GRIA3: variants seen among roughly 807,000 people sequenced by gnomAD.
GRIA3 encodes glutamate receptor 3.
A neutral mutation model predicts 63.0 loss-of-function variants in GRIA3; 3 were observed. The ratio of observed to expected loss-of-function variants is 0.05; its 90% CI spans 0.02 to 0.12. The LOEUF is 0.12. Among genes scored for constraint, GRIA3 ranks in the 10% least tolerant of loss-of-function variants. The probability of loss-of-function intolerance (pLI) is 1.00; values close to 1 mark genes in which losing one functional copy is unlikely to be tolerated. For synonymous variants in GRIA3, 274 were observed against 257.9 expected (o/e 1.06, Z -0.60); for missense variants, 347 against 700.9 (o/e 0.50, Z 5.70).
chrX:123,222,194 C>T (rs1183393034), intron 2 of GRIA3, among the ~76,000 whole-genome samples: 1 of 111,534 alleles, frequency 9.0e-6, no homozygotes, highest in East Asian at 2.8e-4. Flanking sequence ...ACAGAGATCC[C>T]TGAAGGCCAA....
At chrX:123,471,119 C>G (rs1411320940) in intron 13 of GRIA3, among the ~76,000 whole-genome samples, 2 of 111,237 alleles carry the variant, frequency 1.8e-5, no homozygotes, top group African/African-American at 6.5e-5. Flanking sequence ...AAGAACCTGA[C>G]AGTTTTCTTT....
intron 12 of GRIA3, among the ~76,000 whole-genome samples, chrX:123,453,709 G>C (rs1002405584): frequency 9.1e-6 from 1 of 110,114 alleles, no homozygotes; most frequent in Non-Finnish European, 1.9e-5. Context: ...CTTTAGCTGT[G>C]GTTTGATCCT....
intron 10 of GRIA3, among the ~76,000 whole-genome samples, chrX:123,412,960 A>C (rs915282700): frequency 1.8e-5 from 2 of 111,849 alleles, no homozygotes; most frequent in African/African-American, 3.3e-5. Context: ...TGAGGAAAAA[A>C]AAAGGCAGTG....
intron 3 of GRIA3, among the ~76,000 whole-genome samples, chrX:123,257,386 TAAAG>T (rs971946295): frequency 3.2e-5 from 3 of 92,916 alleles, no homozygotes; most frequent in Non-Finnish European, 4.3e-5. Context: ...GAAAGAAAAA[TAAAG>T]AAGGAAGGAA....
At chrX:123,441,937 C>A (rs2045676555) in intron 12 of GRIA3, among the ~76,000 whole-genome samples, 1 of 112,256 alleles carries the variant, frequency 8.9e-6, no homozygotes, top group Non-Finnish European at 1.9e-5. Context: ...TTCTTAAAAA[C>A]ACTTTTGCTC....
intron 2 of GRIA3, among the ~76,000 whole-genome samples, chrX:123,233,282 A>C (rs1050884701): frequency 1.8e-5 from 2 of 111,862 alleles, no homozygotes; most frequent in Admixed American, 9.5e-5. Context: ...ATAACACTTA[A>C]GCCTAGGGAT....
At chrX:123,344,019 A>AT (rs2045027365) in intron 4 of GRIA3, among the ~76,000 whole-genome samples, 1 of 111,661 alleles carries the variant, frequency 9.0e-6, no homozygotes, top group African/African-American at 3.3e-5. Flanking sequence ...GTTACTCTTA[A>AT]TGTACAGATG....
intron 8 of GRIA3, 33 bp from the exon 9 acceptor site, chrX:123,403,379 T>C (rs1014829622): frequency 9.8e-6 from 9 of 914,819 alleles, no homozygotes; most frequent in East Asian, 3.1e-5. Flanking sequence ...GAGGGAAAAA[T>C]AGGCATCCAG....
chrX:123,376,977 C>G (rs1429364816), intron 5 of GRIA3, among the ~76,000 whole-genome samples: 1 of 102,523 alleles, frequency 9.8e-6, no homozygotes, highest in Non-Finnish European at 2.0e-5. Flanking sequence ...CTCTGTCGCC[C>G]AGGCTGGAGT....
At chrX:123,373,301 C>T (rs1007543239) in intron 5 of GRIA3, among the ~76,000 whole-genome samples, 10 of 111,569 alleles carry the variant, frequency 9.0e-5, no homozygotes, top group African/African-American at 3.3e-4. Flanking sequence ...GTCTTTGCTA[C>T]TGTGAATAGT....
chrX:123,203,104 A>G (rs1927789161), intron 2 of GRIA3, among the ~76,000 whole-genome samples: 1 of 112,090 alleles, frequency 8.9e-6, no homozygotes, highest in Admixed American at 9.5e-5. Context: ...AAAATTAGTG[A>G]GGACAAGCGG....
At chrX:123,355,048 T>C (rs1374177286) in intron 5 of GRIA3, 85 bp downstream of exon 5, 1 of 679,165 alleles carries the variant, frequency 1.5e-6, no homozygotes, top group African/African-American at 2.1e-5. Context: ...ATACATCAAG[T>C]ACCTAATGCT....
intron 3 of GRIA3, among the ~76,000 whole-genome samples, chrX:123,283,497 T>C (rs2044598910): frequency 9.0e-6 from 1 of 111,406 alleles, no homozygotes; most frequent in African/African-American, 3.3e-5. Flanking sequence ...ATCCACTGGC[T>C]TGAAATTCTC....
chrX:123,480,268 A>G (rs1007198702), intron 14 of GRIA3, 91 bp downstream of exon 14: 1 of 566,704 alleles, frequency 1.8e-6, no homozygotes, highest in African/African-American at 2.3e-5. Flanking sequence ...CCTTCCCAAC[A>G]CACACTCCCT....
At chrX:123,431,465 C>G (rs1171205059) in intron 12 of GRIA3, among the ~76,000 whole-genome samples, 1 of 111,997 alleles carries the variant, frequency 8.9e-6, no homozygotes, top group Non-Finnish European at 1.9e-5. Flanking sequence ...GAAGAGACAC[C>G]TGGAATATTA....
chrX:123,403,659 T>A, intron 9 of GRIA3, 140 bp downstream of exon 9: 2 of 517,490 alleles, frequency 3.9e-6, no homozygotes, highest in Non-Finnish European at 6.9e-6. Context: ...ACTCTCAAAG[T>A]ATCTTGCCAT....
At chrX:123,427,789 T>G (rs1004931701) in intron 11 of GRIA3, 152 bp from the exon 12 acceptor site, 157 of 496,373 alleles carry the variant, frequency 3.2e-4, no homozygotes, top group Non-Finnish European at 5.0e-5. Flanking sequence ...ACATGTGACC[T>G]TTGTTTAATG....
intron 3 of GRIA3, among the ~76,000 whole-genome samples, chrX:123,308,894 G>C (rs2044771638): frequency 1.8e-5 from 2 of 112,123 alleles, no homozygotes; most frequent in African/African-American, 6.5e-5. Context: ...ATCCAAGTGG[G>C]GCAAGCTAAG....
At chrX:123,364,377 G>C (rs2045197562) in intron 5 of GRIA3, among the ~76,000 whole-genome samples, 1 of 111,713 alleles carries the variant, frequency 9.0e-6, no homozygotes, top group Non-Finnish European at 1.9e-5. Context: ...GAAGGGGGAG[G>C]ATAAAGGAGC....
Sources: allele counts gnomAD v4.1 joint callset (sites outside exome capture counted in the v4.1 genomes callset), GRCh38; gene constraint gnomAD v4.1.1; transcripts MANE v1.5; gene names NCBI Gene and HGNC (gene_info 2026-07-23, HGNC 2026-07-21).